Variants in MPPED1 observed in about 807,000 individuals in gnomAD.
MPPED1 encodes the protein metallophosphoesterase domain containing 1, also known as metallophosphoesterase domain-containing protein 1.
MPPED1 carries 16 observed loss-of-function variants against 36.2 expected under a neutral mutation model. The observed-to-expected ratio is 0.44, with a 90% CI of 0.30 to 0.67. The LOEUF (loss-of-function observed/expected upper bound fraction) is 0.67. Ranked by LOEUF, MPPED1 falls within the 30% of genes least tolerant of loss-of-function variation. MPPED1 has a pLI of 0.10. For synonymous variants in MPPED1, 199 were observed against 191.3 expected, an observed-to-expected ratio of 1.04 and a Z score of -0.33; for missense variants, 307 against 453.4, an observed-to-expected ratio of 0.68 and a Z score of 2.93.
intron 3 of MPPED1, among the ~76,000 whole-genome samples, chr22:43,449,660 C>T (rs1930494312): frequency 6.6e-6 from 1 of 152,172 alleles, no homozygotes; most frequent in Non-Finnish European, 1.5e-5. Flanking sequence ...CCGAGGGCCA[C>T]ACACATGCAT....
intron 4 of MPPED1, among the ~76,000 whole-genome samples, chr22:43,495,493 A>G (rs952709288): frequency 0.17 from 1,328 of 7,754 alleles, 16 homozygotes; most frequent in Middle Eastern, 0.38. Context: ...TGGTGGAGGT[A>G]GTGGTGGTGG....
chr22:43,461,625 TAA>T (rs1328095465), intron 3 of MPPED1, among the ~76,000 whole-genome samples: 1 of 152,200 alleles, frequency 6.6e-6, no homozygotes, highest in Non-Finnish European at 1.5e-5. Context: ...TTGCTTAAAA[TAA>T]AGTCATTGAG....
chr22:43,412,209 G>C (rs1928925661), intron 1 of MPPED1, 51 bp downstream of exon 1: 2 of 933,596 alleles, frequency 2.1e-6, no homozygotes, highest in South Asian at 9.5e-5. Context: ...GAGGCCGGGC[G>C]CGGGGCGCGG....
chr22:43,415,134 C>T (rs1173270003), intron 1 of MPPED1, among the ~76,000 whole-genome samples: 1 of 147,482 alleles, frequency 6.8e-6, no homozygotes, highest in Non-Finnish European at 1.5e-5. Context: ...GTGGATGTCC[C>T]CATGTAATGA....
At chr22:43,489,052 C>T (rs77575369) in intron 4 of MPPED1, among the ~76,000 whole-genome samples, 155 of 152,258 alleles carry the variant, frequency 1.0e-3, no homozygotes, top group African/African-American at 3.5e-3. Flanking sequence ...GCTGACTGGG[C>T]CCCTGGAGCC....
chr22:43,479,794 T>C (rs62231999), intron 4 of MPPED1, among the ~76,000 whole-genome samples: 41,812 of 152,122 alleles, frequency 0.27, 6,941 homozygotes, highest in East Asian at 0.5. Flanking sequence ...AAAGCAAACA[T>C]ATGGTTATAG....
intron 3 of MPPED1, among the ~76,000 whole-genome samples, chr22:43,463,832 T>TTTCTTTCC (rs1931053720): frequency 7.0e-6 from 1 of 142,298 alleles, no homozygotes; most frequent in African/African-American, 2.7e-5. Flanking sequence ...TCTTTCTTTC[T>TTTCTTTCC]TTCTTTCTTT....
At chr22:43,488,869 G>A (rs1273824762) in intron 4 of MPPED1, among the ~76,000 whole-genome samples, 1 of 152,262 alleles carries the variant, frequency 6.6e-6, no homozygotes, top group African/African-American at 2.4e-5. Flanking sequence ...CCCGCACAGT[G>A]GGGCTGGCAC....
chr22:43,475,883 TGA>T (rs1569082600), intron 4 of MPPED1, among the ~76,000 whole-genome samples: 52 of 52,850 alleles, frequency 9.8e-4, no homozygotes, highest in African/African-American at 3.5e-3. Flanking sequence ...CTGATGATGG[TGA>T]TGATGGTGGT....
chr22:43,462,310 AGAGTGCTACAGGGC>A, intron 3 of MPPED1, among the ~76,000 whole-genome samples: 1 of 152,234 alleles, frequency 6.6e-6, no homozygotes, highest in Non-Finnish European at 1.5e-5. Context: ...TGTAAGTCAC[AGAGTGCTACAGGGC>A]TTATGCTCAA....
Position 43,412,119 on chromosome 22 carries a change from TC to T in MPPED1, c.-117del. The T allele has an allele frequency of 1.0e-6, 1 of 977,676 alleles. No homozygotes were observed. Among genetic ancestry groups the T allele is most frequent in the Middle Eastern group, 5.3e-4 (1 of 1,894 alleles). 60.6% of individuals were successfully genotyped at this position (977,676 alleles called of 1,614,324 possible). On this transcript the variant is annotated 5_prime_UTR_variant, in exon 1 of 7. Coordinates refer to ENST00000443721, the MANE Select transcript of MPPED1 (RefSeq NM_001044370.2). ...TGCCTCCCTCGGTGCGCGCTGCTGCTCGCAGCCGCCGCGGCCGCCGAAGAGG... is the reference window on the plus strand; with the variant it reads ...TGCCTCCCTCGGTGCGCGCTGCTGCTGCAGCCGCCGCGGCCGCCGAAGAGG...
At chr22:43,499,058 G>T (rs147066634) in intron 5 of MPPED1, among the ~76,000 whole-genome samples, 6,121 of 151,816 alleles carry the variant, frequency 0.04, 128 homozygotes, top group South Asian at 0.05. Context: ...GGTGATGGAG[G>T]TAGTGGTGAT....
chr22:43,496,996 G>A (rs945027522), intron 4 of MPPED1, among the ~76,000 whole-genome samples: 11 of 133,680 alleles, frequency 8.2e-5, no homozygotes, highest in African/African-American at 1.2e-4. Context: ...TGGTGGTGGA[G>A]GTGGTGGTGG....
intron 3 of MPPED1, among the ~76,000 whole-genome samples, chr22:43,467,327 G>T (rs1931207879): frequency 6.6e-6 from 1 of 152,254 alleles, no homozygotes; most frequent in African/African-American, 2.4e-5. Flanking sequence ...CAGGGTAGCA[G>T]AATTCAGCTT....
intron 4 of MPPED1, among the ~76,000 whole-genome samples, chr22:43,493,694 G>T (rs1290452731): frequency 2.6e-5 from 4 of 152,138 alleles, no homozygotes; most frequent in Admixed American, 2.6e-4. Flanking sequence ...ACATACTTGG[G>T]GCCTGGCAGA....
At position 43,504,884 on chromosome 22, in the gene MPPED1, A is replaced by G. The variant is rs200669053; in HGVS notation, c.863-614A>G. Reference sequence around the variant, plus strand: ...GATGATGATGGTGGTGGTGGTGGTGATGATAAGGGCGGTGATGTTGTTCAT... The same window carrying G: ...GATGATGATGGTGGTGGTGGTGGTGGTGATAAGGGCGGTGATGTTGTTCAT... On this transcript the variant is annotated intron_variant, in intron 6 of 6. Transcript: ENST00000443721. 4.8e-3 allele frequency among the ~76,000 whole-genome samples: 730 copies of G among 151,320 alleles called. 19 individuals carry two copies. The East Asian group carries it at 0.071, about 15-fold the overall frequency.
At chr22:43,461,904 A>G (rs77977221) in intron 3 of MPPED1, among the ~76,000 whole-genome samples, 2,175 of 152,188 alleles carry the variant, frequency 0.014, 68 homozygotes, top group African/African-American at 0.05. Context: ...TTGTGGGACT[A>G]TTGTGAGGAT....
At chr22:43,476,735 G>T (rs527593670) in intron 4 of MPPED1, among the ~76,000 whole-genome samples, 1 of 152,206 alleles carries the variant, frequency 6.6e-6, no homozygotes, top group Admixed American at 6.5e-5. Flanking sequence ...ACAGGGTCTT[G>T]GTGAACCCTC....
chr22:43,483,045 A>T (rs1931798555), intron 4 of MPPED1, among the ~76,000 whole-genome samples: 1 of 152,190 alleles, frequency 6.6e-6, no homozygotes, highest in Non-Finnish European at 1.5e-5. Flanking sequence ...TATGGCTGAG[A>T]GGTCTGAGAC....
Sources: gnomAD v4.1 joint callset for allele counts (sites outside exome capture counted in the v4.1 genomes callset) on GRCh38, gnomAD v4.1.1 for gene constraint, MANE v1.5 for transcripts, NCBI Gene and HGNC (gene_info 2026-07-23, HGNC 2026-07-21) for gene names.